Variants in LUZP1 observed in about 807,000 individuals in gnomAD.
The protein encoded by LUZP1 is leucine zipper protein 1.
LUZP1 carries 25 observed loss-of-function variants against 71.3 expected under a neutral mutation model. The ratio of observed to expected loss-of-function variants is 0.35; its 90% CI spans 0.26 to 0.49. LUZP1 has a LOEUF of 0.49. Ranked by LOEUF, LUZP1 falls within the 20% of genes least tolerant of loss-of-function variation. LUZP1 has a pLI of 0.99. For missense variants in LUZP1, 1,142 were observed against 1,300.8 expected, an observed-to-expected ratio of 0.88 and a Z score of 1.88; for synonymous variants, 481 against 506.4, an observed-to-expected ratio of 0.95 and a Z score of 0.67.
At chr1:23,175,500 C>T (rs1031869232) in intron 1 of LUZP1, among the ~76,000 whole-genome samples, 5 of 152,138 alleles carry the variant, frequency 3.3e-5, no homozygotes, top group African/African-American at 1.2e-4. Flanking sequence ...CCCCCATTAG[C>T]GCAATTAGGA....
chr1:23,157,988 G>C (rs1199766452), intron 2 of LUZP1, among the ~76,000 whole-genome samples: 1 of 151,886 alleles, frequency 6.6e-6, no homozygotes, highest in African/African-American at 2.4e-5. Flanking sequence ...CTCCAGCCTG[G>C]GCAACAGAAT....
intron 2 of LUZP1, among the ~76,000 whole-genome samples, chr1:23,137,697 A>G (rs978984502): frequency 4.6e-5 from 7 of 152,216 alleles, no homozygotes; most frequent in Admixed American, 4.6e-4. Context: ...AATAAAAAAA[A>G]GACAGACAAT....
At chr1:23,108,794 T>C (rs1038744361) in intron 3 of LUZP1, among the ~76,000 whole-genome samples, 1 of 152,166 alleles carries the variant, frequency 6.6e-6, no homozygotes, top group African/African-American at 2.4e-5. Context: ...CAATAAATGG[T>C]AGCTACTTCT....
chr1:23,084,686 A>T (rs769410890), exon 5 of LUZP1: 12 of 151,804 alleles, frequency 7.9e-5, no homozygotes, highest in Non-Finnish European at 1.2e-4. Flanking sequence ...GGACATCATT[A>T]TATATATTGG....
At chr1:23,117,162 C>T (rs1364449374) in intron 2 of LUZP1, among the ~76,000 whole-genome samples, 4 of 152,200 alleles carry the variant, frequency 2.6e-5, no homozygotes, top group Non-Finnish European at 4.4e-5. Flanking sequence ...CTCTCTCCAT[C>T]CTGCCTGCTG....
chr1:23,170,798 T>C (rs1644547779), intron 1 of LUZP1, among the ~76,000 whole-genome samples: 1 of 152,052 alleles, frequency 6.6e-6, no homozygotes, highest in Non-Finnish European at 1.5e-5. Flanking sequence ...AGTATTATAT[T>C]GACCAGGCGC....
chr1:23,104,766 A>T (rs1016520902), intron 3 of LUZP1, among the ~76,000 whole-genome samples: 1 of 152,180 alleles, frequency 6.6e-6, no homozygotes, highest in Non-Finnish European at 1.5e-5. Flanking sequence ...GTACTGGCCA[A>T]ATTTACATAA....
intron 2 of LUZP1, among the ~76,000 whole-genome samples, chr1:23,141,955 C>T (rs1055443797): frequency 3.9e-5 from 6 of 151,934 alleles, no homozygotes; most frequent in African/African-American, 1.5e-4. Flanking sequence ...AGCAATTCTC[C>T]TGCCTCAGCC....
At chr1:23,157,172 A>C (rs1353119301) in intron 2 of LUZP1, among the ~76,000 whole-genome samples, 2 of 152,164 alleles carry the variant, frequency 1.3e-5, no homozygotes, top group African/African-American at 2.4e-5. Context: ...TTTCTAACAA[A>C]AGATACAAGA....
chr1:23,097,762 A>G (rs1332131896), intron 3 of LUZP1, among the ~76,000 whole-genome samples: 1 of 152,188 alleles, frequency 6.6e-6, no homozygotes, highest in Non-Finnish European at 1.5e-5. Flanking sequence ...AGACAGCTTG[A>G]GCCCAGGAGT....
chr1:23,175,155 T>C (rs1015522287), intron 1 of LUZP1, among the ~76,000 whole-genome samples: 1 of 152,082 alleles, frequency 6.6e-6, no homozygotes. Context: ...CACTTACTGG[T>C]CACACATCTA....
rs1009192842 is a variant in LUZP1 at position 23,109,978 on chromosome 1, A to T, written c.-225-851T>A. Among the ~76,000 whole-genome samples, 9 of 152,314 alleles carry T rather than the reference A, an allele frequency of 5.9e-5. No individual in the cohort carries two copies. In the East Asian group the frequency reaches 1.5e-3, roughly 26 times the overall value. The stretch of plus-strand genomic sequence containing the variant: ...GGAAAAAAACATCTGCGGAGTATTT[A>T]CCAACCCTGAGCACTATGCTTTATG... On this transcript the variant is annotated intron_variant, in intron 2 of 4. Transcript: ENST00000302291.
chr1:23,144,949 G>C (rs1569662920), intron 2 of LUZP1, among the ~76,000 whole-genome samples: 1 of 152,036 alleles, frequency 6.6e-6, no homozygotes, highest in East Asian at 1.9e-4. Context: ...CTGCAATGCA[G>C]TGGTGGCATG....
At chr1:23,155,849 A>C (rs2124740073) in intron 2 of LUZP1, among the ~76,000 whole-genome samples, 1 of 152,296 alleles carries the variant, frequency 6.6e-6, no homozygotes, top group African/African-American at 2.4e-5. Flanking sequence ...CTGGTGAATC[A>C]CTAAAATGGC....
At chr1:23,119,772 G>A (rs1644115712) in intron 2 of LUZP1, among the ~76,000 whole-genome samples, 1 of 152,066 alleles carries the variant, frequency 6.6e-6, no homozygotes, top group South Asian at 2.1e-4. Flanking sequence ...CCAAACTACT[G>A]AAAATTATAA....
At chr1:23,172,895 G>A (rs1644560492) in intron 1 of LUZP1, among the ~76,000 whole-genome samples, 1 of 151,520 alleles carries the variant, frequency 6.6e-6, no homozygotes, top group Admixed American at 6.6e-5. Context: ...GTGCAGTGGT[G>A]CGATCTCGGC....
chr1:23,163,636 A>C (rs192817123), intron 2 of LUZP1, among the ~76,000 whole-genome samples: 15 of 152,314 alleles, frequency 9.8e-5, no homozygotes, highest in African/African-American at 3.1e-4. Flanking sequence ...TCCTTAGAAC[A>C]TAAGGAGGAA....
chr1:23,105,258 A>C (rs1032656231), intron 3 of LUZP1, among the ~76,000 whole-genome samples: 2 of 152,226 alleles, frequency 1.3e-5, no homozygotes, highest in Admixed American at 1.3e-4. Context: ...CCCAGTTCTA[A>C]TAATGAAGTC....
chr1:23,140,817 C>T (rs1457177624), intron 2 of LUZP1: 1 of 152,512 alleles, frequency 6.6e-6, no homozygotes, highest in African/African-American at 2.4e-5. Context: ...ACCCTCAGAG[C>T]TACATCTCTC....
Sources: gnomAD v4.1 joint callset for allele counts (sites outside exome capture counted in the v4.1 genomes callset) on GRCh38, gnomAD v4.1.1 for gene constraint, MANE v1.5 for transcripts, NCBI Gene and HGNC (gene_info 2026-07-23, HGNC 2026-07-21) for gene names.